The following DLGAP2 variants were observed in gnomAD, a reference collection of about 807,000 sequenced individuals.
The protein encoded by DLGAP2 is disks large-associated protein 2.
In DLGAP2, 26 loss-of-function variants were observed where a neutral mutation model predicts 100.3. That is an observed-to-expected ratio of 0.26 (90% CI 0.19 to 0.36). The LOEUF is 0.36. DLGAP2 is among the 10% of genes least tolerant of loss of function. The pLI, the probability that DLGAP2 is intolerant of heterozygous loss-of-function variation, is 1.00. For synonymous variants in DLGAP2, 886 were observed against 630.1 expected (o/e 1.41, Z -6.08); for missense variants, 1,858 against 1,453.2 (o/e 1.28, Z -4.53).
Position 782,047 on chromosome 8 carries a change from C to T in DLGAP2, c.18+44222C>T, listed in dbSNP as rs143391495. Among the ~76,000 whole-genome samples, 186 of 152,102 alleles carry T rather than the reference C, an allele frequency of 1.2e-3. 2 individuals carry two copies. The highest frequency in any genetic ancestry group is 4.4e-3 in the African/African-American group (183 of 41,462). ...CTACCATTAACATTAATTGATTGTA[C>T]ATTTCAAAATACCTGGAAGAGAAAA... On this transcript the variant is annotated intron_variant, in intron 1 of 14. Coordinates refer to ENST00000637795, the MANE Select transcript of DLGAP2 (RefSeq NM_001346810.2).
Position 1,287,131 on chromosome 8 carries a change from C to CGTGTGTGTGTGTGTGT in DLGAP2, c.106+28260_106+28275dup, listed in dbSNP as rs33910191. Among the ~76,000 whole-genome samples the CGTGTGTGTGTGTGTGT allele has an allele frequency of 2.4e-4, 33 of 136,998 alleles. 2 individuals are homozygous for CGTGTGTGTGTGTGTGT. The highest frequency in any genetic ancestry group is 8.8e-4 in the African/African-American group (30 of 34,282). The allele number at this position is 136,998 out of a possible 152,430, so 89.9% of individuals were successfully genotyped here. On this transcript the variant is annotated intron_variant, in intron 3 of 14. Transcript: ENST00000637795. ...AAGAGGGGAACTAGTTTCGGTTCAGCGTGTGTGTGTGTGTGTGTGTGTGTG... is the reference window on the plus strand; with the variant it reads ...AAGAGGGGAACTAGTTTCGGTTCAGCGTGTGTGTGTGTGTGTGTGTGTGTGTGTGTGTGTGTGTGTG...
intron 4 of DLGAP2, among the ~76,000 whole-genome samples, chr8:1,527,063 G>T (rs563825950): frequency 4.0e-5 from 6 of 151,868 alleles, no homozygotes; most frequent in African/African-American, 1.4e-4. Flanking sequence ...CCTCTCCTGC[G>T]AGCAGCGGGT....
rs117487811 is a variant in DLGAP2, at chr8:1,699,776, C to A, written c.2950-1412C>A. Among the ~76,000 whole-genome samples, 763 of 152,300 alleles carry A rather than the reference C, an allele frequency of 5.0e-3. 19 individuals are homozygous for A. In the East Asian group the frequency reaches 0.059, roughly 12 times the overall value. On this transcript the variant is annotated intron_variant, in intron 14 of 14. Coordinates refer to ENST00000637795, the MANE Select transcript of DLGAP2 (RefSeq NM_001346810.2). ...TAAAAATTCCCTGGGATGGGCCCTGCACAGCATCTGCTGGACACTCCTACA... is the reference window on the plus strand; with the variant it reads ...TAAAAATTCCCTGGGATGGGCCCTGAACAGCATCTGCTGGACACTCCTACA...
At chr8:1,491,985 G>T (rs549603308) in intron 3 of DLGAP2, among the ~76,000 whole-genome samples, 2 of 152,252 alleles carry the variant, frequency 1.3e-5, no homozygotes, top group Non-Finnish European at 2.9e-5. Context: ...GGGCTCCGCT[G>T]TCGTGCGCCT....
At chr8:1,024,973 C>A (rs946928766) in intron 2 of DLGAP2, among the ~76,000 whole-genome samples, 1 of 152,060 alleles carries the variant, frequency 6.6e-6, no homozygotes, top group African/African-American at 2.4e-5. Context: ...CTTTCGGGAG[C>A]GGCTGCCTTT....
chr8:1,058,124 T>A (rs1297589295), intron 2 of DLGAP2, among the ~76,000 whole-genome samples: 2 of 152,088 alleles, frequency 1.3e-5, no homozygotes, highest in Non-Finnish European at 2.9e-5. Flanking sequence ...TGCGAGTGTA[T>A]TCCCACAGGG....
chr8:1,365,790 G>A (rs908307563), intron 3 of DLGAP2, among the ~76,000 whole-genome samples: 5 of 152,202 alleles, frequency 3.3e-5, no homozygotes, highest in African/African-American at 9.6e-5. Flanking sequence ...GGCACGTGGG[G>A]GACCAGAGCT....
chr8:1,487,333 C>T (rs1179936311), intron 3 of DLGAP2, among the ~76,000 whole-genome samples: 1 of 152,106 alleles, frequency 6.6e-6, no homozygotes, highest in Admixed American at 6.5e-5. Flanking sequence ...CTAAGTAGTA[C>T]TGAAAGTGGG....
intron 3 of DLGAP2, among the ~76,000 whole-genome samples, chr8:1,304,307 G>A (rs1243305063): frequency 6.6e-6 from 1 of 152,214 alleles, no homozygotes; most frequent in African/African-American, 2.4e-5. Context: ...GGCAGGTGCA[G>A]CTGGCCCTGA....
At chr8:1,186,150 C>A (rs1797498813) in intron 2 of DLGAP2, among the ~76,000 whole-genome samples, 1 of 152,202 alleles carries the variant, frequency 6.6e-6, no homozygotes, top group East Asian at 1.9e-4. Flanking sequence ...TGTCTGCGGG[C>A]AGAAGGTTTT....
At chr8:1,303,680 C>A (rs6558440) in intron 3 of DLGAP2, among the ~76,000 whole-genome samples, 48,430 of 152,044 alleles carry the variant, frequency 0.32, 7,813 homozygotes, top group Non-Finnish European at 0.34. Context: ...CCGCAGGAAG[C>A]CCTAAGGCCC....
intron 3 of DLGAP2, among the ~76,000 whole-genome samples, chr8:1,475,337 G>A (rs567933300): frequency 8.5e-5 from 13 of 152,140 alleles, no homozygotes; most frequent in Middle Eastern, 3.4e-3. Context: ...AAAAAAAGCC[G>A]GGGGAGCAGG....
chr8:951,138 A>T (rs1236154928), intron 2 of DLGAP2, among the ~76,000 whole-genome samples: 1 of 152,180 alleles, frequency 6.6e-6, no homozygotes, highest in Non-Finnish European at 1.5e-5. Context: ...CATTTTTCCA[A>T]AACATTATTT....
chr8:790,155 G>T (rs1821989714), intron 1 of DLGAP2, among the ~76,000 whole-genome samples: 1 of 152,182 alleles, frequency 6.6e-6, no homozygotes, highest in South Asian at 2.1e-4. Context: ...GGAGGAGTTT[G>T]GATCTCATCA....
At chr8:994,631 G>A (rs1197984500) in intron 2 of DLGAP2, among the ~76,000 whole-genome samples, 1 of 152,186 alleles carries the variant, frequency 6.6e-6, no homozygotes, top group Admixed American at 6.5e-5. Context: ...GGCTTGGGAT[G>A]GATGCATCCT....
intron 1 of DLGAP2, among the ~76,000 whole-genome samples, chr8:906,428 G>T (rs529453069): frequency 6.6e-6 from 1 of 152,160 alleles, no homozygotes; most frequent in East Asian, 1.9e-4. Context: ...GATCCCTGAG[G>T]CCCTTTGGAA....
At chr8:967,997 T>G (rs1294094642) in intron 2 of DLGAP2, among the ~76,000 whole-genome samples, 6 of 150,840 alleles carry the variant, frequency 4.0e-5, no homozygotes, top group Non-Finnish European at 7.4e-5. Flanking sequence ...TCTCTCCTGA[T>G]ACACAAATGC....
intron 2 of DLGAP2, among the ~76,000 whole-genome samples, chr8:1,237,340 GTGCCGTGTCTAGTTCTCT>G: frequency 2.8e-5 from 3 of 108,278 alleles, no homozygotes; most frequent in Admixed American, 8.4e-5. Context: ...CTCTCACATG[GTGCCGTGTCTAGTTCTCT>G]CACATGGCGC....
intron 13 of DLGAP2, among the ~76,000 whole-genome samples, chr8:1,693,349 T>C (rs1047290622): frequency 6.6e-6 from 1 of 150,542 alleles, no homozygotes; most frequent in Non-Finnish European, 1.5e-5. Flanking sequence ...TACATGTTAA[T>C]ATATTTTATA....
Sources: gnomAD v4.1 joint callset for allele counts (sites outside exome capture counted in the v4.1 genomes callset) on GRCh38, gnomAD v4.1.1 for gene constraint, MANE v1.5 for transcripts, NCBI Gene and HGNC (gene_info 2026-07-23, HGNC 2026-07-21) for gene names.